The following EFR3B variants were observed in gnomAD, a reference collection of about 807,000 sequenced individuals.
EFR3B encodes protein EFR3 homolog B.
Under a neutral mutation model 104.7 loss-of-function variants are expected in EFR3B, and 64 were observed. That is an observed-to-expected ratio of 0.61 (90% confidence interval 0.50 to 0.75). The LOEUF (loss-of-function observed/expected upper bound fraction) is 0.75. Ranked by LOEUF, EFR3B falls within the 30% of genes least tolerant of loss-of-function variation. The pLI is 0.00. For synonymous variants in EFR3B, 385 were observed against 417.9 expected (o/e 0.92, Z 0.96); for missense variants, 750 against 1,078.5 (o/e 0.70, Z 4.27).
chr2:25,110,014 C>T (rs1018827312), intron 4 of EFR3B, among the ~76,000 whole-genome samples: 1 of 152,124 alleles, frequency 6.6e-6, no homozygotes, highest in African/African-American at 2.4e-5. Flanking sequence ...GGCGGCTCCC[C>T]TGTGGCAGGC....
chr2:25,061,743 G>A (rs551355158), intron 1 of EFR3B, among the ~76,000 whole-genome samples: 53 of 151,812 alleles, frequency 3.5e-4, no homozygotes, highest in Admixed American at 9.2e-4. Context: ...TGATCCACCC[G>A]CCTTGGCCTC....
intron 6 of EFR3B, among the ~76,000 whole-genome samples, chr2:25,129,604 C>T (rs1425219834): frequency 6.6e-6 from 1 of 151,962 alleles, no homozygotes; most frequent in African/African-American, 2.4e-5. Context: ...TTTTGCCTCC[C>T]TTTCCTATCT....
chr2:25,073,389 G>A (rs1668548301), intron 1 of EFR3B, among the ~76,000 whole-genome samples: 1 of 142,850 alleles, frequency 7.0e-6, no homozygotes, highest in Non-Finnish European at 1.5e-5. Context: ...ACAGAGTGTT[G>A]CTCTATTACC....
chr2:25,092,115 C>A (rs2149185179), intron 2 of EFR3B, among the ~76,000 whole-genome samples: 1 of 151,756 alleles, frequency 6.6e-6, no homozygotes, highest in Middle Eastern at 3.4e-3. Flanking sequence ...TGTTGCCAGG[C>A]TGGGGTGCAG....
rs370707193 is a variant in EFR3B, at chr2:25,145,038, C to A, written c.2129C>A (p.Pro710Gln). 1.3e-6 allele frequency: 2 copies of A among 1,551,690 alleles called. No homozygotes were observed. The highest frequency in any genetic ancestry group is 1.7e-6 in the Non-Finnish European group (2 of 1,146,994). The change falls in exon 19 of 23, where the codon CCG (proline) becomes CAG (glutamine). Residue 710 changes from proline (P) to glutamine (Q), a missense_variant. By Grantham distance (76) the Pro-to-Gln change is moderately conservative. Transcript: ENST00000403714. ...LQVEVESRNS[P>Q]EKEERVPAEE... ...GTGGAGGTAGAATCGAGGAACAGTCCGGAGAAGGAGGAGGTGAGTGTCCGT... is the reference window on the plus strand; with the variant it reads ...GTGGAGGTAGAATCGAGGAACAGTCAGGAGAAGGAGGAGGTGAGTGTCCGT...
intron 20 of EFR3B, 136 bp from the exon 21 acceptor site, chr2:25,151,778 C>T (rs1484023720): frequency 6.5e-6 from 6 of 916,468 alleles, no homozygotes; most frequent in East Asian, 5.5e-5. Flanking sequence ...GGGCACCGCA[C>T]CTCCACGCCA....
intron 4 of EFR3B, among the ~76,000 whole-genome samples, chr2:25,108,519 A>G (rs187515268): frequency 2.6e-5 from 4 of 152,348 alleles, no homozygotes; most frequent in Admixed American, 6.5e-5. Context: ...TCTATTTCAC[A>G]CCACACACAA....
chr2:25,042,207 G>C lies in EFR3B; in HGVS notation c.-106G>C. Reference sequence around the variant, plus strand: ...CTCCCCGCCCGGGCCCCTGTCGGCCGCCGCCAGTCCCCGCCCCGACTGTGA... The same window carrying C: ...CTCCCCGCCCGGGCCCCTGTCGGCCCCCGCCAGTCCCCGCCCCGACTGTGA... On this transcript the variant is annotated 5_prime_UTR_variant, in exon 1 of 23. Coordinates refer to ENST00000403714, the MANE Select transcript of EFR3B (RefSeq NM_014971.2). This position sits in a 1 kb window ranked among gnomAD's most constrained non-coding sequence, Gnocchi z 5.4. 8.7e-7 allele frequency: 1 copy of C among 1,152,908 alleles called. No homozygotes were observed. The highest frequency in any genetic ancestry group is 1.1e-6 in the Non-Finnish European group (1 of 920,366). 71.4% of individuals were successfully genotyped at this position (1,152,908 alleles called of 1,614,324 possible). A position where few individuals can be genotyped will look rare whatever the true frequency, so the allele number is the denominator to read the frequency against.
At chr2:25,091,138 TG>T (rs1276355314) in intron 1 of EFR3B, among the ~76,000 whole-genome samples, 186 bp from the exon 2 acceptor site, 1 of 152,026 alleles carries the variant, frequency 6.6e-6, no homozygotes, top group Non-Finnish European at 1.5e-5. Flanking sequence ...TCTTAGAGTG[TG>T]GGGGTAGGGG....
rs985655778 is a variant in EFR3B at position 25,156,436 on chromosome 2, T to G, written c.*2096T>G. 6.6e-6 allele frequency: 1 copy of G among 152,100 alleles called. No homozygotes were observed. Among genetic ancestry groups the G allele is most frequent in the Non-Finnish European group, 1.5e-5 (1 of 68,060 alleles). 9.4% of individuals were successfully genotyped at this position (152,100 alleles called of 1,614,324 possible). On this transcript the variant is annotated 3_prime_UTR_variant, in exon 23 of 23. Transcript: ENST00000403714. ...CCTCAGCCTCCTGAGTAGCTGGGAT[T>G]ACAGGCGTGCACCACCACGCCTGGC...
At chr2:25,128,402 G>A in intron 6 of EFR3B, 70 bp downstream of exon 6, 1 of 1,534,706 alleles carries the variant, frequency 6.5e-7, no homozygotes, top group Non-Finnish European at 8.8e-7. Flanking sequence ...GGAACCACAT[G>A]GTTTGGGTTG....
In EFR3B at chr2:25,093,270, G is replaced by A. The variant is rs549771956; in HGVS notation, c.212+140G>A. 8.0e-4 allele frequency: 905 copies of A among 1,133,534 alleles called. 12 individuals carry two copies. In the South Asian group the frequency reaches 0.014, roughly 17 times the overall value. The allele number at this position is 1,133,534 out of a possible 1,614,324, so 70.2% of individuals were successfully genotyped here. A position where few individuals can be genotyped will look rare whatever the true frequency, so the allele number is the denominator to read the frequency against. On this transcript the variant is annotated intron_variant, in intron 3 of 22. Transcript: ENST00000403714. ...AGCGCTTTGGGAGGTCAAGGTGGGA[G>A]GATCACTGAGGCCAAAAGTTCAAGA...
rs767589817 is a variant in EFR3B, at chr2:25,154,511, C to T, written c.*171C>T. The T allele has an allele frequency of 4.8e-5, 29 of 597,980 alleles. No homozygotes were observed. The highest frequency in any genetic ancestry group is 7.9e-5 in the Non-Finnish European group (27 of 342,476). The allele number at this position is 597,980 out of a possible 1,614,324, so 37.0% of individuals were successfully genotyped here. On this transcript the variant is annotated 3_prime_UTR_variant, in exon 23 of 23. Coordinates refer to ENST00000403714, the MANE Select transcript of EFR3B (RefSeq NM_014971.2). The surrounding 1 kb of genome is among the most constrained non-coding windows in gnomAD (Gnocchi z 4.1). The stretch of plus-strand genomic sequence containing the variant: ...GACTCTCTGGTCCTTCTTGGCCCTC[C>T]TACCTCCTCCTCGTCTTCCCTGAGG...
At chr2:25,044,523 A>G (rs1667665261) in intron 1 of EFR3B, among the ~76,000 whole-genome samples, 1 of 152,136 alleles carries the variant, frequency 6.6e-6, no homozygotes, top group Non-Finnish European at 1.5e-5. Flanking sequence ...TTCCAGGGTG[A>G]CAGAGTTAGA....
At chr2:25,141,863 T>C (rs1205141321) in intron 17 of EFR3B, among the ~76,000 whole-genome samples, 1 of 152,234 alleles carries the variant, frequency 6.6e-6, no homozygotes, top group African/African-American at 2.4e-5. Flanking sequence ...GATGGCTTTA[T>C]AAATTATGGC....
intron 20 of EFR3B, among the ~76,000 whole-genome samples, chr2:25,150,482 CCT>C (rs1237486920): frequency 6.6e-6 from 1 of 152,052 alleles, no homozygotes; most frequent in African/African-American, 2.4e-5. Context: ...ATGCATGTTA[CCT>C]CTCTATCTGG....
chr2:25,138,032 C>T (rs1187717432), intron 15 of EFR3B, among the ~76,000 whole-genome samples: 1 of 152,068 alleles, frequency 6.6e-6, no homozygotes. Context: ...ATTAGCCGGA[C>T]GTGGTGGTGC....
At chr2:25,144,167 T>G (rs1199369492) in intron 18 of EFR3B, among the ~76,000 whole-genome samples, 2 of 152,218 alleles carry the variant, frequency 1.3e-5, no homozygotes, top group African/African-American at 4.8e-5. Flanking sequence ...GAGACCCCTG[T>G]GCAACTTACT....
chr2:25,051,077 C>T (rs1453171391), intron 1 of EFR3B, among the ~76,000 whole-genome samples: 1 of 152,076 alleles, frequency 6.6e-6, no homozygotes, highest in African/African-American at 2.4e-5. Flanking sequence ...ATGGAGGCTC[C>T]ACCCCCCTTT....
Sources: gnomAD v4.1 joint callset for allele counts (sites outside exome capture counted in the v4.1 genomes callset) on GRCh38, gnomAD v4.1.1 for gene constraint, Gnocchi (gnomAD v3.1) non-coding constraint, MANE v1.5 for transcripts, NCBI Gene and HGNC (gene_info 2026-07-23, HGNC 2026-07-21) for gene names.